SPAM1: variants seen among roughly 807,000 people sequenced by gnomAD.
The protein encoded by SPAM1 is sperm adhesion molecule 1.
SPAM1 carries 22 observed loss-of-function variants against 29.6 expected under a neutral mutation model. The observed-to-expected ratio is 0.74, with a 90% CI of 0.53 to 1.06. The LOEUF is 1.06. Among genes scored for constraint, SPAM1 ranks in the 50% least tolerant of loss-of-function variants. The pLI is 0.00. For missense variants in SPAM1, 534 were observed against 604.0 expected, an observed-to-expected ratio of 0.88 and a Z score of 1.21; for synonymous variants, 194 against 204.6, an observed-to-expected ratio of 0.95 and a Z score of 0.44.
intron 5 of SPAM1, among the ~76,000 whole-genome samples, chr7:123,965,306 A>G (rs1194854708): frequency 6.6e-6 from 1 of 151,962 alleles, no homozygotes; most frequent in African/African-American, 2.4e-5. Context: ...GACCATGGGT[A>G]TCCATCCATC....
chr7:123,938,856 A>G (rs2117033852), intron 1 of SPAM1, among the ~76,000 whole-genome samples: 1 of 152,250 alleles, frequency 6.6e-6, no homozygotes, highest in Non-Finnish European at 1.5e-5. Flanking sequence ...CTTAAACTTC[A>G]GCCTAACTTG....
intron 1 of SPAM1, chr7:123,925,812 C>T (rs577282205): frequency 8.0e-5 from 12 of 150,934 alleles, no homozygotes; most frequent in African/African-American, 2.7e-4. Context: ...TACTGTGTTG[C>T]GAGGTGCTGT....
rs1792478363 is a variant in SPAM1, at chr7:123,970,120, C to T, written c.1486-78C>T. 2.8e-6 allele frequency: 4 copies of T among 1,441,434 alleles called. No homozygotes were observed. The African/African-American group carries it at 4.3e-5, about 15-fold the overall frequency. 89.3% of individuals were successfully genotyped at this position (1,441,434 alleles called of 1,614,324 possible). Reference sequence around the variant, plus strand: ...TATTCTGTATATCTCCATTAGTTTGCTAGTGATGCTATAACAAAGTGCCAC... The same window carrying T: ...TATTCTGTATATCTCCATTAGTTTGTTAGTGATGCTATAACAAAGTGCCAC... On this transcript the variant is annotated intron_variant, in intron 5 of 6. Transcript: ENST00000340011.
At chr7:123,970,988 C>T (rs1374612118) in intron 6 of SPAM1, 1 of 151,080 alleles carries the variant, frequency 6.6e-6, no homozygotes, top group Non-Finnish European at 1.5e-5. Context: ...AACTCTGTCT[C>T]ATGATCAATA....
At chr7:123,946,198 A>G (rs969215847) in intron 1 of SPAM1, among the ~76,000 whole-genome samples, 1 of 152,210 alleles carries the variant, frequency 6.6e-6, no homozygotes, top group Non-Finnish European at 1.5e-5. Flanking sequence ...TCATGAAAGC[A>G]GAAAAACTTG....
In SPAM1 at chr7:123,959,888, T is replaced by G; in HGVS notation, c.1449T>G (p.Asn483Lys). Residue 483 changes from asparagine to lysine, a missense_variant, in exon 5 of 5, where the codon AAT (asparagine) becomes AAG (lysine). Physicochemically the swap from Asn to Lys is moderately conservative, Grantham distance 94. Coordinates refer to ENST00000682466, the MANE Select transcript of SPAM1 (RefSeq NM_153189.3). ...CAGAAGAACCTCAAATTTTCTACAA[T>G]GCTTCACCCTCCACACTATCTGCCA... ...METEEPQIFY[N>K]ASPSTLSATM... 6.2e-7 allele frequency: 1 copy of G among 1,613,044 alleles called. No homozygotes were observed. The highest frequency in any genetic ancestry group is 1.1e-5 in the South Asian group (1 of 91,050).
At chr7:123,942,078 T>C (rs1808446741) in intron 1 of SPAM1, among the ~76,000 whole-genome samples, 1 of 152,238 alleles carries the variant, frequency 6.6e-6, no homozygotes, top group African/African-American at 2.4e-5. Flanking sequence ...GGTTTATGTA[T>C]GTAAATAGGT....
Position 123,970,340 on chromosome 7 carries a change from A to C in SPAM1, c.*48+44A>C, listed in dbSNP as rs1792482040. 9 of 1,429,262 alleles carry C rather than the reference A, an allele frequency of 6.3e-6. 1 individual carries two copies. The South Asian group carries it at 1.2e-4, about 19-fold the overall frequency. The allele number at this position is 1,429,262 out of a possible 1,614,324, so 88.5% of individuals were successfully genotyped here. A position where few individuals can be genotyped will look rare whatever the true frequency, so the allele number is the denominator to read the frequency against. ...TGTCTTCCATATGTTTCTGTCTGTGACCTTGTTTCTTCCCCTTATAAGGAC... is the reference window on the plus strand; with the variant it reads ...TGTCTTCCATATGTTTCTGTCTGTGCCCTTGTTTCTTCCCCTTATAAGGAC... On this transcript the variant is annotated intron_variant, in intron 6 of 6. Transcript: ENST00000340011.
downstream of SPAM1, among the ~76,000 whole-genome samples, chr7:123,960,767 A>T (rs1483071012): frequency 1.3e-5 from 2 of 151,820 alleles, no homozygotes; most frequent in Admixed American, 6.6e-5. Context: ...AGTCATTAGG[A>T]TCTTAATTTT....
At chr7:123,960,743 C>T, downstream of SPAM1, among the ~76,000 whole-genome samples, 1 of 151,694 alleles carries the variant, frequency 6.6e-6, no homozygotes, top group East Asian at 1.9e-4. Flanking sequence ...TAGGTACTCT[C>T]AAATTATGGC....
Position 123,950,792 on chromosome 7 carries a change from C to T in SPAM1, c.-207+809C>T, listed in dbSNP as rs182627417. ...GAGTAGATAGCCAATAGTGGGATTG[C>T]GAGGATGATTGGTAGTTCTATTTTT... On this transcript the variant is annotated intron_variant, in intron 2 of 4. Transcript: ENST00000682466. 2.0e-3 allele frequency among the ~76,000 whole-genome samples: 311 copies of T among 152,090 alleles called. 6 individuals carry two copies. The highest frequency in any genetic ancestry group is 0.016 in the Admixed American group (246 of 15,272).
At chr7:123,960,571 T>A (rs1435185719), downstream of SPAM1, among the ~76,000 whole-genome samples, 41 of 152,006 alleles carry the variant, frequency 2.7e-4, no homozygotes, top group Admixed American at 2.6e-3. Context: ...ATACTTTCAG[T>A]GTATACAATT....
chr7:123,939,600 T>C (rs1808365347), intron 1 of SPAM1, among the ~76,000 whole-genome samples: 1 of 152,220 alleles, frequency 6.6e-6, no homozygotes, highest in East Asian at 1.9e-4. Flanking sequence ...ATTCGTTTAG[T>C]TAATTAACTA....
chr7:123,953,655 C>G lies in SPAM1; in HGVS notation c.85C>G (p.Leu29Val). ...GVSQIVFTFL[L>V]IPCCLTLNFR... ...ATCCCAGATAGTTTTCACCTTCCTT[C>G]TGATTCCATGTTGCTTGACTCTGAA... The change falls in exon 3 of 5, where the codon CTG (leucine) becomes GTG (valine). Residue 29 changes from leucine (L) to valine (V), a missense_variant. Coordinates refer to ENST00000682466, the MANE Select transcript of SPAM1 (RefSeq NM_153189.3). 6.2e-7 allele frequency: 1 copy of G among 1,613,298 alleles called. No homozygotes were observed. Among genetic ancestry groups the G allele is most frequent in the Non-Finnish European group, 8.5e-7 (1 of 1,179,610 alleles).
At chr7:123,947,505 G>A (rs2117048704) in intron 1 of SPAM1, among the ~76,000 whole-genome samples, 2 of 151,974 alleles carry the variant, frequency 1.3e-5, no homozygotes, top group South Asian at 4.2e-4. Context: ...AGCTAAGATG[G>A]TGCCACTGCA....
chr7:123,967,971 T>A lies in SPAM1; in HGVS notation c.1486-2227T>A, dbSNP rs1227585368. ...TAGGGATAGAGAGAAAAGGATAGAA[T>A]TAGAAATCAATACTTGGATGATTGG... is the stretch of plus-strand genomic sequence containing the variant. On this transcript the variant is annotated intron_variant, in intron 5 of 6. Coordinates refer to the SPAM1 transcript ENST00000340011. 3.3e-5 allele frequency among the ~76,000 whole-genome samples: 5 copies of A among 151,976 alleles called. No homozygotes were observed. In the East Asian group the frequency reaches 9.8e-4, roughly 30 times the overall value.
chr7:123,964,992 C>T (rs957420225), downstream of SPAM1, among the ~76,000 whole-genome samples: 2 of 151,988 alleles, frequency 1.3e-5, no homozygotes, highest in Admixed American at 1.3e-4. Flanking sequence ...CTTCACAATT[C>T]TTCATAAATA....
chr7:123,954,606 G>A (rs764029286), intron 3 of SPAM1, 82 bp downstream of exon 3: 1 of 941,290 alleles, frequency 1.1e-6, no homozygotes. Flanking sequence ...TTTGAAGGGA[G>A]TGAAATCTAG....
chr7:123,958,382 A>G (rs1792290915), intron 4 of SPAM1, among the ~76,000 whole-genome samples: 1 of 152,100 alleles, frequency 6.6e-6, no homozygotes, highest in Non-Finnish European at 1.5e-5. Flanking sequence ...TTAGTTAGTC[A>G]TCGCTCATAC....
Sources: gnomAD v4.1 joint callset for allele counts (sites outside exome capture counted in the v4.1 genomes callset) on GRCh38, gnomAD v4.1.1 for gene constraint, MANE v1.5 for transcripts, NCBI Gene and HGNC (gene_info 2026-07-23, HGNC 2026-07-21) for gene names.